The following YAE1 variants were observed in gnomAD, a reference collection of about 807,000 sequenced individuals.
YAE1 encodes protein YAE1 homolog.
Under a neutral mutation model 23.0 loss-of-function variants are expected in YAE1, and 22 were observed. The observed-to-expected ratio is 0.96, with a 90% CI of 0.68 to 1.37. The LOEUF (loss-of-function observed/expected upper bound fraction) is 1.37. YAE1 is among the 40% of genes most tolerant of loss of function. YAE1 has a pLI of 0.00. For synonymous variants in YAE1, 101 were observed against 97.0 expected, an observed-to-expected ratio of 1.04 and a Z score of -0.24; for missense variants, 260 against 262.1, an observed-to-expected ratio of 0.99 and a Z score of 0.06.
intron 2 of YAE1, among the ~76,000 whole-genome samples, chr7:39,600,725 G>A (rs1414983115): frequency 6.6e-6 from 1 of 152,064 alleles, no homozygotes; most frequent in Non-Finnish European, 1.5e-5. Context: ...GGGAAATTTG[G>A]GGACAAACAT....
chr7:39,597,145 G>T (rs994772511), intron 2 of YAE1, among the ~76,000 whole-genome samples: 2 of 152,222 alleles, frequency 1.3e-5, no homozygotes, highest in Non-Finnish European at 2.9e-5. Context: ...AGTAAAAAAA[G>T]ATTCTACTAA....
intron 1 of YAE1, among the ~76,000 whole-genome samples, chr7:39,568,828 G>A (rs1790516518): frequency 6.6e-6 from 1 of 152,106 alleles, no homozygotes; most frequent in African/African-American, 2.4e-5. Flanking sequence ...GTAGAAAACT[G>A]CAACTAATTA....
rs764204692 is a variant in YAE1, at chr7:39,566,560, T to G, written c.129+13T>G. On this transcript the variant is annotated intron_variant, in intron 1 of 2. Coordinates refer to ENST00000223273, the MANE Select transcript of YAE1 (RefSeq NM_020192.5). ...AAGACGAGTCAAAGTAAACGTGGTGTGGACGGCGCGGGGTGCTGGGTTGTG... is the reference window on the plus strand; with the variant it reads ...AAGACGAGTCAAAGTAAACGTGGTGGGGACGGCGCGGGGTGCTGGGTTGTG... 6.2e-7 allele frequency: 1 copy of G among 1,613,346 alleles called. No individual in the cohort carries two copies. The highest frequency in any genetic ancestry group is 1.1e-5 in the South Asian group (1 of 91,016).
intron 2 of YAE1, chr7:39,609,597 C>G: frequency 6.5e-7 from 1 of 1,530,786 alleles, no homozygotes. Context: ...CTCTGTCTAT[C>G]CAATTGTCTA....
chr7:39,603,385 G>T (rs1583685357), intron 2 of YAE1, among the ~76,000 whole-genome samples: 1 of 152,146 alleles, frequency 6.6e-6, no homozygotes, highest in South Asian at 2.1e-4. Flanking sequence ...TGATCCGCCT[G>T]CCTCGGCCTC....
chr7:39,601,758 C>CAA (rs5883699), intron 2 of YAE1, among the ~76,000 whole-genome samples: 1 of 130,750 alleles, frequency 7.6e-6, no homozygotes, highest in African/African-American at 3.0e-5. Flanking sequence ...GACTCTGTCT[C>CAA]AAAAAAAAAA....
At chr7:39,582,166 A>G (rs1790752683) in intron 2 of YAE1, among the ~76,000 whole-genome samples, 2 of 152,092 alleles carry the variant, frequency 1.3e-5, no homozygotes, top group South Asian at 2.1e-4. Context: ...TGATAGGACT[A>G]TACCATGCCG....
At chr7:39,566,739 CT>C (rs1286745471) in intron 1 of YAE1, 192 bp downstream of exon 1, 1 of 729,296 alleles carries the variant, frequency 1.4e-6, no homozygotes, top group African/African-American at 1.8e-5. Context: ...AAGACGCATT[CT>C]TTGAGCGCCT....
chr7:39,604,091 G>A (rs1232333988), intron 2 of YAE1, among the ~76,000 whole-genome samples: 1 of 152,198 alleles, frequency 6.6e-6, no homozygotes, highest in Non-Finnish European at 1.5e-5. Context: ...TGGAGGAAGG[G>A]TTGATTGACA....
chr7:39,602,430 A>G (rs1277552965), intron 2 of YAE1, among the ~76,000 whole-genome samples: 2 of 152,260 alleles, frequency 1.3e-5, no homozygotes, highest in East Asian at 1.9e-4. Context: ...ACAGAAACTC[A>G]TAATGAAATG....
At chr7:39,587,801 A>AAC (rs142376052) in intron 2 of YAE1, among the ~76,000 whole-genome samples, 1 of 151,534 alleles carries the variant, frequency 6.6e-6, no homozygotes, top group Non-Finnish European at 1.5e-5. Context: ...ATTGTCTATA[A>AAC]ACTTCAAGGC....
intron 2 of YAE1, among the ~76,000 whole-genome samples, chr7:39,595,127 T>G (rs1790956712): frequency 6.6e-6 from 1 of 152,006 alleles, no homozygotes; most frequent in Admixed American, 6.6e-5. Flanking sequence ...CCAGGCAACC[T>G]CTTCTCCAGA....
chr7:39,577,772 CT>C (rs1475771097), downstream of YAE1, among the ~76,000 whole-genome samples: 1 of 152,218 alleles, frequency 6.6e-6, no homozygotes, highest in Non-Finnish European at 1.5e-5. Flanking sequence ...TGCCCAAGGG[CT>C]GAGGAGTGCG....
At chr7:39,608,512 T>C (rs1791161427) in intron 2 of YAE1, among the ~76,000 whole-genome samples, 1 of 152,186 alleles carries the variant, frequency 6.6e-6, no homozygotes, top group African/African-American at 2.4e-5. Flanking sequence ...GAAGAGAATG[T>C]GGCAAAGATA....
downstream of YAE1, among the ~76,000 whole-genome samples, chr7:39,573,241 G>A (rs137930539): frequency 2.7e-4 from 41 of 152,210 alleles, no homozygotes; most frequent in Admixed American, 1.4e-3. Context: ...ATACTAAAAT[G>A]TGTTTTAGTT....
In YAE1 at chr7:39,572,401, C is replaced by G; in HGVS notation, c.376C>G (p.Pro126Ala). 6.2e-7 allele frequency: 1 copy of G among 1,614,096 alleles called. No individual in the cohort carries two copies. The highest frequency in any genetic ancestry group is 2.2e-5 in the East Asian group (1 of 44,880). ...GCTCAAACATCTGAAATCAATCACTCCACCGTCCCATGTTGTAGATTTATT... is the reference window on the plus strand; with the variant it reads ...GCTCAAACATCTGAAATCAATCACTGCACCGTCCCATGTTGTAGATTTATT... ...YVLKHLKSIT[P>A]PSHVVDLLDS... Residue 126 changes from proline (P) to alanine (A), a missense_variant, in exon 3 of 3, where the codon CCA becomes GCA. By Grantham distance (27) the Pro-to-Ala change is conservative. Transcript: ENST00000223273.
rs559227685 is a variant in YAE1, at chr7:39,567,298, CA to C, written c.129+756del. ...AGCCCAAAAACCATGTTGTCAATTA[CA>C]AAAATGCTTTATGTGAGACTGGGGC... On this transcript the variant is annotated intron_variant, in intron 1 of 2. Coordinates refer to ENST00000223273, the MANE Select transcript of YAE1 (RefSeq NM_020192.5). Among the ~76,000 whole-genome samples the C allele has an allele frequency of 6.9e-3, 1,052 of 152,284 alleles. 7 individuals are homozygous for C. The highest frequency in any genetic ancestry group is 0.041 in the Middle Eastern group (12 of 294).
chr7:39,611,094 G>T (rs1791207697), downstream of YAE1, among the ~76,000 whole-genome samples: 1 of 151,906 alleles, frequency 6.6e-6, no homozygotes, highest in Non-Finnish European at 1.5e-5. Flanking sequence ...GTTGCAGTGA[G>T]CCCAGATTGT....
chr7:39,590,122 A>G (rs1202625856), intron 2 of YAE1, among the ~76,000 whole-genome samples: 1 of 152,234 alleles, frequency 6.6e-6, no homozygotes, highest in African/African-American at 2.4e-5. Flanking sequence ...TGTATACATA[A>G]GTCATTACTG....
Sources: allele counts gnomAD v4.1 joint callset (sites outside exome capture counted in the v4.1 genomes callset), GRCh38; gene constraint gnomAD v4.1.1; transcripts MANE v1.5; gene names NCBI Gene and HGNC (gene_info 2026-07-23, HGNC 2026-07-21).